The following SGCD variants were observed in gnomAD, a reference collection of about 807,000 sequenced individuals.
The protein encoded by SGCD is delta-sarcoglycan.
A neutral mutation model predicts 36.6 loss-of-function variants in SGCD; 18 were observed. That is an observed-to-expected ratio of 0.49 (90% CI 0.34 to 0.73). The LOEUF is 0.73. SGCD is among the 30% of genes least tolerant of loss of function. The pLI is 0.01. For missense variants in SGCD, 387 were observed against 346.7 expected (o/e 1.12, Z -0.92); for synonymous variants, 133 against 130.6 (o/e 1.02, Z -0.12).
intron 1 of SGCD, among the ~76,000 whole-genome samples, chr5:155,914,993 T>A (rs1320170554): frequency 6.6e-6 from 1 of 152,188 alleles, no homozygotes; most frequent in Non-Finnish European, 1.5e-5. Flanking sequence ...GACCACAGTG[T>A]ACTCCCAGGA....
chr5:156,292,498 C>T (rs1423030310), intron 3 of SGCD, among the ~76,000 whole-genome samples: 1 of 152,082 alleles, frequency 6.6e-6, no homozygotes, highest in Non-Finnish European at 1.5e-5. Flanking sequence ...CCCACATTTG[C>T]TTATCCTTAA....
chr5:156,211,377 G>A (rs892929308), intron 3 of SGCD, among the ~76,000 whole-genome samples: 1 of 152,122 alleles, frequency 6.6e-6, no homozygotes. Context: ...GGAGGCCGAG[G>A]GGGGCGGATC....
At chr5:155,824,925 T>A in the SGCD span, among the ~76,000 whole-genome samples, 1 of 152,184 alleles carries the variant, frequency 6.6e-6, no homozygotes, top group South Asian at 2.1e-4. Flanking sequence ...CTATATAAAT[T>A]AAAAAATATA....
intron 7 of SGCD, among the ~76,000 whole-genome samples, chr5:156,750,057 T>C (rs1427336996): frequency 1.3e-5 from 2 of 152,126 alleles, no homozygotes; most frequent in East Asian, 1.9e-4. Context: ...TAGATAGTTA[T>C]TGGAAAATTA....
chr5:156,683,081 T>TG, intron 7 of SGCD, among the ~76,000 whole-genome samples: 2 of 151,860 alleles, frequency 1.3e-5, no homozygotes, highest in Non-Finnish European at 2.9e-5. Context: ...CAGAATGGAG[T>TG]GGGGTGATCT....
chr5:156,613,652 G>T (rs1761912246), intron 6 of SGCD, among the ~76,000 whole-genome samples: 1 of 152,194 alleles, frequency 6.6e-6, no homozygotes, highest in Non-Finnish European at 1.5e-5. Flanking sequence ...CTATACCCCA[G>T]AGCTACTGAA....
In SGCD at chr5:156,435,445, G is replaced by A. The variant is rs543099589; in HGVS notation, c.193-73156G>A. 4.5e-4 allele frequency among the ~76,000 whole-genome samples: 69 copies of A among 152,274 alleles called. No individual in the cohort carries two copies. The South Asian group carries it at 5.4e-3, about 12-fold the overall frequency. On this transcript the variant is annotated intron_variant, in intron 3 of 8. Coordinates refer to ENST00000337851, the MANE Select transcript of SGCD (RefSeq NM_000337.6). ...AAAAGATGACAATCTGTCTGTACTTGTAATTGTGAAGAAAATGAAAAATCT... is the reference window on the plus strand; with the variant it reads ...AAAAGATGACAATCTGTCTGTACTTATAATTGTGAAGAAAATGAAAAATCT...
chr5:156,274,129 G>A (rs760453589), intron 3 of SGCD, among the ~76,000 whole-genome samples: 2 of 152,108 alleles, frequency 1.3e-5, no homozygotes, highest in African/African-American at 2.4e-5. Context: ...GCCCCACAGC[G>A]TGAGGAGGTT....
chr5:156,493,862 G>A (rs993835907), intron 3 of SGCD, among the ~76,000 whole-genome samples: 8 of 152,092 alleles, frequency 5.3e-5, no homozygotes, highest in African/African-American at 1.7e-4. Context: ...GCTAGGAAAT[G>A]TCTAAGACAA....
chr5:156,088,307 C>T (rs964603811), intron 1 of SGCD, among the ~76,000 whole-genome samples: 22 of 152,100 alleles, frequency 1.4e-4, no homozygotes, highest in Admixed American at 9.8e-4. Context: ...TTACATTTAT[C>T]GAGAAAGGCT....
chr5:155,920,183 C>G lies in SGCD; in HGVS notation c.-282+49759C>G, dbSNP rs1465693862. The stretch of plus-strand genomic sequence containing the variant: ...CCTGGTTGGGACACACTGCAATAGT[C>G]TTTGGAGAGGAGATTTTTTCCTAAA... On this transcript the variant is annotated intron_variant, in intron 1 of 9. Coordinates refer to the SGCD transcript ENST00000517913. 3.3e-5 allele frequency among the ~76,000 whole-genome samples: 5 copies of G among 152,248 alleles called. No homozygotes were observed. The South Asian group carries it at 1.0e-3, about 32-fold the overall frequency.
chr5:156,210,762 G>T (rs1764418574), intron 3 of SGCD, among the ~76,000 whole-genome samples: 1 of 151,906 alleles, frequency 6.6e-6, no homozygotes, highest in Admixed American at 6.6e-5. Flanking sequence ...AAAATATACA[G>T]TAAGGTCATT....
At position 156,340,505 on chromosome 5, in the gene SGCD, T is replaced by C. The variant is rs141533138; in HGVS notation, c.4-3984T>C. ...TGGGAAGTGCTGCAAACCATATAAA[T>C]ATATTCTGCATTCAAACTATAGGAA... On this transcript the variant is annotated intron_variant, in intron 2 of 8. Transcript: ENST00000337851. 8.6e-4 allele frequency among the ~76,000 whole-genome samples: 131 copies of C among 152,320 alleles called. No homozygotes were observed. The Middle Eastern group carries it at 0.024, about 28-fold the overall frequency.
At chr5:156,465,216 G>T (rs994203719) in intron 3 of SGCD, among the ~76,000 whole-genome samples, 1 of 152,072 alleles carries the variant, frequency 6.6e-6, no homozygotes, top group Non-Finnish European at 1.5e-5. Context: ...AGGACCTTAG[G>T]TGTATTCTTA....
chr5:156,561,442 T>G (rs1230443147), intron 4 of SGCD, among the ~76,000 whole-genome samples: 1 of 152,242 alleles, frequency 6.6e-6, no homozygotes, highest in Non-Finnish European at 1.5e-5. Context: ...AGCAAAAGAC[T>G]GGCTGAAATG....
chr5:156,200,236 G>A (rs374683703), intron 3 of SGCD, among the ~76,000 whole-genome samples: 2 of 152,086 alleles, frequency 1.3e-5, no homozygotes, highest in South Asian at 2.1e-4. Flanking sequence ...AACAGAGGTA[G>A]AGGACCTTCT....
At chr5:155,902,010 A>C (rs1756402334) in intron 1 of SGCD, among the ~76,000 whole-genome samples, 1 of 152,172 alleles carries the variant, frequency 6.6e-6, no homozygotes, top group Admixed American at 6.5e-5. Context: ...GATATTTTAA[A>C]AATTAAACAA....
chr5:156,548,086 T>C (rs1420349990), intron 4 of SGCD, among the ~76,000 whole-genome samples: 1 of 152,234 alleles, frequency 6.6e-6, no homozygotes, highest in Non-Finnish European at 1.5e-5. Context: ...TCTTTATTTA[T>C]GTCCAATAGT....
intron 3 of SGCD, among the ~76,000 whole-genome samples, chr5:156,491,256 T>G (rs564298136): frequency 6.6e-6 from 1 of 152,274 alleles, no homozygotes; most frequent in East Asian, 1.9e-4. Flanking sequence ...ATTGTTAAAA[T>G]GACCATATTA....
Sources: allele counts gnomAD v4.1 joint callset (sites outside exome capture counted in the v4.1 genomes callset), GRCh38; gene constraint gnomAD v4.1.1; transcripts MANE v1.5; gene names NCBI Gene and HGNC (gene_info 2026-07-23, HGNC 2026-07-21).